The following PPP6R2 variants were observed in gnomAD, a reference collection of about 807,000 sequenced individuals.
PPP6R2 encodes serine/threonine-protein phosphatase 6 regulatory subunit 2.
Under a neutral mutation model 100.2 loss-of-function variants are expected in PPP6R2, and 62 were observed. The observed-to-expected ratio is 0.62, with a 90% CI of 0.50 to 0.76. PPP6R2 has a LOEUF of 0.76. PPP6R2 is among the 30% of genes least tolerant of loss of function. The pLI is 0.00. For missense variants in PPP6R2, 1,142 were observed against 1,276.3 expected (o/e 0.89, Z 1.60); for synonymous variants, 525 against 514.7 (o/e 1.02, Z -0.27).
chr22:50,409,344 T>C (rs1481966648), intron 4 of PPP6R2, among the ~76,000 whole-genome samples: 1 of 152,350 alleles, frequency 6.6e-6, no homozygotes, highest in Non-Finnish European at 1.5e-5. Context: ...CATCTGTTCA[T>C]GGCTAATCAC....
At chr22:50,374,871 G>A (rs1324793464) in intron 2 of PPP6R2, among the ~76,000 whole-genome samples, 1 of 133,410 alleles carries the variant, frequency 7.5e-6, no homozygotes, top group Non-Finnish European at 1.5e-5. Context: ...CCAAGATCAC[G>A]CTACTGCGCT....
At chr22:50,365,603 C>T (rs111881189) in intron 1 of PPP6R2, among the ~76,000 whole-genome samples, 30,384 of 149,380 alleles carry the variant, frequency 0.2, 3,222 homozygotes, top group South Asian at 0.36. Flanking sequence ...GGCATGAACC[C>T]GGGAGGCGGA....
chr22:50,440,802 A>C lies in PPP6R2; in HGVS notation c.2375-20A>C, dbSNP rs764870126. The C allele has an allele frequency of 6.2e-7, 1 of 1,612,378 alleles. No individual in the cohort carries two copies. Among genetic ancestry groups the C allele is most frequent in the Non-Finnish European group, 8.5e-7 (1 of 1,179,924 alleles). On this transcript the variant is annotated intron_variant, in intron 21 of 23. Coordinates refer to ENST00000612753, the MANE Select transcript of PPP6R2 (RefSeq NM_001242898.2). ...GACCCCTCCTGCCTCACTGGACAGC[A>C]CAGGCCTCCTACTTTGCAGTCAGCC...
At chr22:50,355,742 C>G (rs1485493963) in intron 1 of PPP6R2, among the ~76,000 whole-genome samples, 2 of 148,566 alleles carry the variant, frequency 1.3e-5, no homozygotes, top group African/African-American at 5.0e-5. Flanking sequence ...AGGATGGTCT[C>G]GATCTCCTTA....
At chr22:50,339,585 TGTGTGTGGTATGGTGTGTGCG>T (rs2042346072), upstream of PPP6R2, among the ~76,000 whole-genome samples, 1 of 126,516 alleles carries the variant, frequency 7.9e-6, no homozygotes, top group African/African-American at 3.0e-5. Flanking sequence ...GTGTGTGTGG[TGTGTGTGGTATGGTGTGTGCG>T]GTGTGTGTGG....
chr22:50,338,561 G>A (rs1451903220), upstream of PPP6R2, among the ~76,000 whole-genome samples: 1 of 95,832 alleles, frequency 1.0e-5, no homozygotes, highest in South Asian at 5.0e-4. Flanking sequence ...GTGGTATGTA[G>A]TGTGTGTGTT....
At position 50,423,003 on chromosome 22, in the gene PPP6R2, CG is replaced by C. The variant is rs987183790; in HGVS notation, c.973-457del. On this transcript the variant is annotated intron_variant, in intron 9 of 23. Coordinates refer to ENST00000612753, the MANE Select transcript of PPP6R2 (RefSeq NM_001242898.2). The surrounding 1 kb of genome is among the most constrained non-coding windows in gnomAD (Gnocchi z 4.8). ...GAGTGTGGGGGATCAGAAAAGACCGCGGTCCATCGGAGGAGGCATTCCCGTC... is the reference window on the plus strand; with the variant it reads ...GAGTGTGGGGGATCAGAAAAGACCGCGTCCATCGGAGGAGGCATTCCCGTC... Among the ~76,000 whole-genome samples, 55 of 152,224 alleles carry C rather than the reference CG, an allele frequency of 3.6e-4. No homozygotes were observed. Among genetic ancestry groups the C allele is most frequent in the African/African-American group, 1.1e-3 (46 of 41,528 alleles).
chr22:50,353,713 C>T (rs2045825096), intron 1 of PPP6R2, among the ~76,000 whole-genome samples: 1 of 151,856 alleles, frequency 6.6e-6, no homozygotes, highest in Non-Finnish European at 1.5e-5. Flanking sequence ...ACAAAGTACG[C>T]CTGTGTTGTT....
upstream of PPP6R2, among the ~76,000 whole-genome samples, chr22:50,340,069 ATGTG>A (rs989781290): frequency 6.1e-5 from 3 of 49,516 alleles, no homozygotes; most frequent in Admixed American, 2.0e-4. Context: ...GTGGTGTGTG[ATGTG>A]TGTGTGGTGT....
intron 19 of PPP6R2, among the ~76,000 whole-genome samples, chr22:50,439,112 A>G (rs2065035783): frequency 6.6e-6 from 1 of 152,144 alleles, no homozygotes; most frequent in Non-Finnish European, 1.5e-5. Flanking sequence ...CGCCACCTTC[A>G]TGGCCGACAT....
At chr22:50,383,960 C>T (rs531585885) in intron 2 of PPP6R2, among the ~76,000 whole-genome samples, 6 of 146,674 alleles carry the variant, frequency 4.1e-5, no homozygotes, top group East Asian at 2.0e-4. Context: ...CGCTTCAACC[C>T]GGGAGATGGT....
At chr22:50,393,667 C>A in intron 2 of PPP6R2, 1 of 969,098 alleles carries the variant, frequency 1.0e-6, no homozygotes, top group Non-Finnish European at 1.2e-6. Context: ...GTGAGCCCAA[C>A]CTGGAGAGGT....
chr22:50,403,516 A>G (rs908451040), intron 3 of PPP6R2, among the ~76,000 whole-genome samples: 1 of 152,146 alleles, frequency 6.6e-6, no homozygotes, highest in African/African-American at 2.4e-5. Flanking sequence ...GCCTGCCCCA[A>G]TTAACAGACA....
chr22:50,378,418 C>G (rs988960882), intron 2 of PPP6R2, among the ~76,000 whole-genome samples: 1 of 152,082 alleles, frequency 6.6e-6, no homozygotes, highest in Non-Finnish European at 1.5e-5. Flanking sequence ...GAAACCCCAT[C>G]TCTACTAAAA....
At chr22:50,359,066 C>T (rs959760744) in intron 1 of PPP6R2, among the ~76,000 whole-genome samples, 3 of 141,802 alleles carry the variant, frequency 2.1e-5, no homozygotes, top group African/African-American at 5.0e-5. Flanking sequence ...GTGGCGCGAT[C>T]TCCACTCACT....
intron 21 of PPP6R2, among the ~76,000 whole-genome samples, chr22:50,440,526 G>C (rs1156693933): frequency 1.3e-5 from 2 of 152,224 alleles, no homozygotes; most frequent in African/African-American, 4.8e-5. Context: ...GCTTAAAGGA[G>C]CTGTGGCAGG....
chr22:50,394,808 G>A (rs1311658684), intron 3 of PPP6R2, among the ~76,000 whole-genome samples: 2 of 151,352 alleles, frequency 1.3e-5, no homozygotes. Flanking sequence ...ACTGTACTCA[G>A]GAGGCTGAGG....
At chr22:50,408,407 C>A (rs1412548812) in intron 4 of PPP6R2, among the ~76,000 whole-genome samples, 1 of 152,168 alleles carries the variant, frequency 6.6e-6, no homozygotes, top group Non-Finnish European at 1.5e-5. Flanking sequence ...CAGTGGAATG[C>A]CGTCTTCCCT....
At chr22:50,367,583 T>C (rs779761122) in intron 1 of PPP6R2, among the ~76,000 whole-genome samples, 1 of 151,870 alleles carries the variant, frequency 6.6e-6, no homozygotes, top group Non-Finnish European at 1.5e-5. Flanking sequence ...CATAGTTAAG[T>C]AGAAAATGAA....
Sources: allele counts gnomAD v4.1 joint callset (sites outside exome capture counted in the v4.1 genomes callset), GRCh38; gene constraint gnomAD v4.1.1; non-coding constraint Gnocchi (gnomAD v3.1); transcripts MANE v1.5; gene names NCBI Gene and HGNC (gene_info 2026-07-23, HGNC 2026-07-21).